TLN2: variants seen among roughly 807,000 people sequenced by gnomAD.
TLN2 encodes the protein talin-2.
Under a neutral mutation model 294.7 loss-of-function variants are expected in TLN2, and 118 were observed. That is an observed-to-expected ratio of 0.40 (90% CI 0.34 to 0.47). The LOEUF (loss-of-function observed/expected upper bound fraction) is 0.47. Ranked by LOEUF, TLN2 falls within the 20% of genes least tolerant of loss-of-function variation. The probability of loss-of-function intolerance (pLI) is 0.84; values close to 1 mark genes in which losing one functional copy is unlikely to be tolerated. For synonymous variants in TLN2, 1,431 were observed against 1,304.5 expected (o/e 1.10, Z -2.09); for missense variants, 3,083 against 3,282.2 (o/e 0.94, Z 1.48).
intron 41 of TLN2, among the ~76,000 whole-genome samples, chr15:62,770,078 G>A (rs1017751606): frequency 1.3e-5 from 2 of 152,224 alleles, no homozygotes; most frequent in African/African-American, 4.8e-5. Context: ...AGAGACCACA[G>A]ACTGTGGCAG....
At position 62,606,248 on chromosome 15, in the gene TLN2, A is replaced by ATTTTTTTTT. The variant is rs771750764; in HGVS notation, c.-161-12096_-161-12088dup. 2.6e-4 allele frequency among the ~76,000 whole-genome samples: 36 copies of ATTTTTTTTT among 136,758 alleles called. No homozygotes were observed. The South Asian group carries it at 2.9e-3, about 11-fold the overall frequency. 89.7% of individuals were successfully genotyped at this position (136,758 alleles called of 152,430 possible). On this transcript the variant is annotated intron_variant, in intron 2 of 58. Coordinates refer to ENST00000636159, the MANE Select transcript of TLN2 (RefSeq NM_015059.3). ...AGGCACCCACCACCATGCTTGGCTAATTTTTTTTTTTTTTTGTATTTTTAG... is the reference window on the plus strand; with the variant it reads ...AGGCACCCACCACCATGCTTGGCTAATTTTTTTTTTTTTTTTTTTTTTTTGTATTTTTAG...
chr15:62,733,116 G>A (rs1595822921), intron 28 of TLN2, among the ~76,000 whole-genome samples: 2 of 152,324 alleles, frequency 1.3e-5, no homozygotes. Flanking sequence ...GAAGAACCTG[G>A]CTGGTTAGGG....
intron 1 of TLN2, among the ~76,000 whole-genome samples, chr15:62,570,866 T>C (rs953688194): frequency 2.0e-5 from 3 of 151,772 alleles, no homozygotes; most frequent in Non-Finnish European, 2.9e-5. Context: ...AGCGTACTAC[T>C]GGTGGCATAG....
In TLN2 at chr15:62,796,249, G is replaced by C; in HGVS notation, c.6006G>C (p.Ala2002=). 1 of 1,614,182 alleles carries C rather than the reference G, an allele frequency of 6.2e-7. No individual in the cohort carries two copies. The highest frequency in any genetic ancestry group is 8.5e-7 in the Non-Finnish European group (1 of 1,180,024). Residue 2002 remains alanine, a synonymous_variant, in exon 47 of 59, where the codon GCG becomes GCC. Transcript: ENST00000636159. The part of the protein sequence containing the change: ...DLDTTIMFAT[A]GTLNAENSET... ...ACACCACCATTATGTTTGCAACAGC[G>C]GGGACGCTGAATGCAGAGAACAGTG... is the stretch of plus-strand genomic sequence containing the variant.
In TLN2 at chr15:62,521,068, C is replaced by A. The variant is rs552466667; in HGVS notation, c.-237-68619C>A. Reference sequence around the variant, plus strand: ...TCTTCTTACAGTGTCATTCCTTTGTCCCTCCCATAGATTGACAGGGGAGTG... The same window carrying A: ...TCTTCTTACAGTGTCATTCCTTTGTACCTCCCATAGATTGACAGGGGAGTG... On this transcript the variant is annotated intron_variant, in intron 1 of 58. Transcript: ENST00000636159. 7.9e-5 allele frequency among the ~76,000 whole-genome samples: 12 copies of A among 152,298 alleles called. 1 individual carries two copies. The highest frequency in any genetic ancestry group is 2.9e-4 in the African/African-American group (12 of 41,556).
intron 1 of TLN2, among the ~76,000 whole-genome samples, chr15:62,435,641 G>A (rs1660472219): frequency 2.0e-5 from 3 of 152,042 alleles, no homozygotes; most frequent in African/African-American, 2.4e-5. Context: ...TCCCGGGTTC[G>A]AGCAACTCTC....
intron 22 of TLN2, among the ~76,000 whole-genome samples, chr15:62,713,630 G>C (rs1053111385): frequency 1.3e-5 from 2 of 152,104 alleles, no homozygotes; most frequent in Non-Finnish European, 2.9e-5. Context: ...AGTGAGCTGA[G>C]ATCGTGCCAT....
intron 1 of TLN2, among the ~76,000 whole-genome samples, chr15:62,425,768 T>C (rs1007056011): frequency 7.2e-5 from 11 of 152,226 alleles, no homozygotes; most frequent in African/African-American, 2.7e-4. Context: ...CTGCCTGCCT[T>C]CTGCAGGACT....
At chr15:62,697,962 C>T (rs1433605656) in intron 15 of TLN2, 94 bp downstream of exon 15, 44 of 1,442,644 alleles carry the variant, frequency 3.0e-5, no homozygotes, top group Non-Finnish European at 3.4e-5. Context: ...AGTGTTGGAA[C>T]GCTCTCTATT....
At chr15:62,549,480 GCATCCATC>G (rs58665636) in intron 1 of TLN2, among the ~76,000 whole-genome samples, 29 of 147,862 alleles carry the variant, frequency 2.0e-4, no homozygotes, top group Admixed American at 5.4e-4. Context: ...TGCATGCCAT[GCATCCATC>G]CATCCATCCA....
rs773514929 is a variant in TLN2, at chr15:62,702,881, C to A, written c.2004+17C>A. On this transcript the variant is annotated intron_variant, in intron 19 of 58. Transcript: ENST00000636159. ...CGATTCCAGGTAAGATATTTGCAGGCTTATAGTCATGGAAAGAAGTCTAAG... is the reference window on the plus strand; with the variant it reads ...CGATTCCAGGTAAGATATTTGCAGGATTATAGTCATGGAAAGAAGTCTAAG... The A allele has an allele frequency of 6.2e-7, 1 of 1,608,974 alleles. No homozygotes were observed.
chr15:62,498,153 CAA>C (rs538951284), intron 1 of TLN2, among the ~76,000 whole-genome samples: 21 of 93,402 alleles, frequency 2.2e-4, no homozygotes, highest in East Asian at 2.2e-3. Flanking sequence ...GACCCTGCCT[CAA>C]AAAAAAAAAA....
At chr15:62,812,500 T>G (rs114952558) in intron 52 of TLN2, among the ~76,000 whole-genome samples, 173 of 152,272 alleles carry the variant, frequency 1.1e-3, no homozygotes, top group African/African-American at 3.8e-3. Flanking sequence ...GGTCTCCCCT[T>G]TCATTCTCCA....
chr15:62,602,466 A>G (rs1258401966), intron 2 of TLN2, among the ~76,000 whole-genome samples: 1 of 152,198 alleles, frequency 6.6e-6, no homozygotes, highest in East Asian at 1.9e-4. Flanking sequence ...AATTATGTAC[A>G]GTATTGTCAG....
chr15:62,833,659 C>T (rs1400798750), intron 55 of TLN2, 30 bp downstream of exon 55: 1 of 1,609,618 alleles, frequency 6.2e-7, no homozygotes, highest in Non-Finnish European at 8.5e-7. Context: ...ACATGCGGGA[C>T]ACTCAACGTA....
At chr15:62,801,855 C>T (rs1363351572) in intron 50 of TLN2, among the ~76,000 whole-genome samples, 2 of 152,088 alleles carry the variant, frequency 1.3e-5, no homozygotes, top group Non-Finnish European at 2.9e-5. Context: ...GGTGTATATA[C>T]TTAGGAGTTA....
rs1244312626 is a variant in TLN2 at position 62,786,143 on chromosome 15, A to G, written c.5736+2253A>G. Among the ~76,000 whole-genome samples, 4 of 152,178 alleles carry G rather than the reference A, an allele frequency of 2.6e-5. No homozygotes were observed. The South Asian group carries it at 6.2e-4, about 24-fold the overall frequency. On this transcript the variant is annotated intron_variant, in intron 45 of 58. Coordinates refer to ENST00000636159, the MANE Select transcript of TLN2 (RefSeq NM_015059.3). ...ACATTTGCCAGACAGATATTTGGGG[A>G]AAACTGAGAAGGTTAGGAGATCCCT...
intron 1 of TLN2, among the ~76,000 whole-genome samples, chr15:62,450,481 A>G (rs911326344): frequency 1.3e-5 from 2 of 151,876 alleles, no homozygotes; most frequent in African/African-American, 2.4e-5. Context: ...ATCTGTGAGT[A>G]TAGCCCTACA....
intron 12 of TLN2, chr15:62,687,779 T>C (rs2141046307): frequency 6.6e-6 from 1 of 152,300 alleles, no homozygotes; most frequent in Non-Finnish European, 1.5e-5. Flanking sequence ...TATAGATTGA[T>C]AGGTTCCTGC....
Sources: allele counts gnomAD v4.1 joint callset (sites outside exome capture counted in the v4.1 genomes callset), GRCh38; gene constraint gnomAD v4.1.1; transcripts MANE v1.5; gene names NCBI Gene and HGNC (gene_info 2026-07-23, HGNC 2026-07-21).